Variants in BMPR2 observed in about 807,000 individuals in gnomAD.
BMPR2 encodes the protein bone morphogenetic protein receptor type-2.
BMPR2 carries 29 observed loss-of-function variants against 100.8 expected under a neutral mutation model. The ratio of observed to expected loss-of-function variants is 0.29; its 90% CI spans 0.21 to 0.39. The LOEUF (loss-of-function observed/expected upper bound fraction) is 0.39. Ranked by LOEUF, BMPR2 falls within the 10% of genes least tolerant of loss-of-function variation. BMPR2 has a pLI of 1.00. For missense variants in BMPR2, 1,011 were observed against 1,274.5 expected, an observed-to-expected ratio of 0.79 and a Z score of 3.15; for synonymous variants, 382 against 442.3, an observed-to-expected ratio of 0.86 and a Z score of 1.71.
At chr2:202,405,307 A>C (rs1179305957) in intron 1 of BMPR2, among the ~76,000 whole-genome samples, 1 of 152,110 alleles carries the variant, frequency 6.6e-6, no homozygotes, top group African/African-American at 2.4e-5. Context: ...GTAGAAGTCC[A>C]GACAGGAAAA....
At chr2:202,502,117 G>A (rs1171119746) in intron 3 of BMPR2, among the ~76,000 whole-genome samples, 1 of 152,202 alleles carries the variant, frequency 6.6e-6, no homozygotes, top group African/African-American at 2.4e-5. Flanking sequence ...GAATAAATGT[G>A]TATACAGATA....
chr2:202,532,723 C>T lies in BMPR2; in HGVS notation c.1267C>T (p.Leu423Phe). Residue 423 changes from leucine (L) to phenylalanine (F), a missense_variant, in exon 9 of 13, where the codon CTC becomes TTC. Leu to Phe is a conservative substitution (Grantham distance 22). Coordinates refer to ENST00000374580, the MANE Select transcript of BMPR2 (RefSeq NM_001204.7). This position sits in a 1 kb window ranked among gnomAD's most constrained non-coding sequence, Gnocchi z 4.1. ...GGAGATATTTATGAGATGTACAGAC[C>T]TCTTCCCAGGTAAAAACTACTGTCA... ...YWEIFMRCTD[L>F]FPGESVPEYQ... The T allele has an allele frequency of 1.9e-6, 3 of 1,612,684 alleles. No homozygotes were observed. The highest frequency in any genetic ancestry group is 1.7e-6 in the Non-Finnish European group (2 of 1,179,886).
At chr2:202,406,029 G>GACT (rs1690884718) in intron 1 of BMPR2, among the ~76,000 whole-genome samples, 4 of 152,070 alleles carry the variant, frequency 2.6e-5, no homozygotes, top group Non-Finnish European at 5.9e-5. Context: ...CGAACTCAGT[G>GACT]GTTTGTATTT....
intron 1 of BMPR2, among the ~76,000 whole-genome samples, chr2:202,395,764 C>T (rs1690645332): frequency 6.6e-6 from 1 of 151,958 alleles, no homozygotes; most frequent in Non-Finnish European, 1.5e-5. Flanking sequence ...GACAAAACCC[C>T]GGCTCTACTA....
intron 3 of BMPR2, among the ~76,000 whole-genome samples, chr2:202,496,061 A>G (rs890928247): frequency 6.6e-6 from 1 of 152,278 alleles, no homozygotes; most frequent in Non-Finnish European, 1.5e-5. Flanking sequence ...TCAAAAAAGT[A>G]GAGTGAACAG....
chr2:202,487,830 C>T (rs974771883), intron 3 of BMPR2, among the ~76,000 whole-genome samples: 2 of 152,102 alleles, frequency 1.3e-5, no homozygotes, highest in African/African-American at 4.8e-5. Context: ...TTGGCCCCAC[C>T]CTCAAGATTT....
chr2:202,465,003 A>G, intron 2 of BMPR2, 24 bp downstream of exon 2: 1 of 1,612,586 alleles, frequency 6.2e-7, no homozygotes, highest in Non-Finnish European at 8.5e-7. Flanking sequence ...TCCTTACCTG[A>G]AATGACTGTG....
chr2:202,535,358 A>T (rs1192033816), intron 9 of BMPR2, among the ~76,000 whole-genome samples: 1 of 144,564 alleles, frequency 6.9e-6, no homozygotes, highest in African/African-American at 2.6e-5. Context: ...GGGTCTCCTC[A>T]CTTCTCAGAC....
intron 10 of BMPR2, among the ~76,000 whole-genome samples, chr2:202,547,883 A>G (rs1347280804): frequency 1.3e-5 from 2 of 151,406 alleles, no homozygotes; most frequent in South Asian, 2.1e-4. Flanking sequence ...CAGGAGTTTT[A>G]GACCAGCCTG....
At chr2:202,404,865 C>T (rs1368694808) in intron 1 of BMPR2, among the ~76,000 whole-genome samples, 1 of 152,000 alleles carries the variant, frequency 6.6e-6, no homozygotes, top group Non-Finnish European at 1.5e-5. Flanking sequence ...CAGGATCTTG[C>T]TCTGCCAGGC....
At chr2:202,440,927 A>G (rs1163136852) in intron 1 of BMPR2, among the ~76,000 whole-genome samples, 1 of 150,576 alleles carries the variant, frequency 6.6e-6, no homozygotes, top group African/African-American at 2.5e-5. Flanking sequence ...AAGACATTAA[A>G]TACACATTGA....
intron 3 of BMPR2, among the ~76,000 whole-genome samples, chr2:202,470,696 G>A (rs1184603511): frequency 2.0e-5 from 3 of 151,204 alleles, no homozygotes; most frequent in African/African-American, 4.9e-5. Flanking sequence ...CCCGGGAAGC[G>A]GAGCTTGCAG....
intron 1 of BMPR2, among the ~76,000 whole-genome samples, chr2:202,417,595 G>A (rs957951507): frequency 9.9e-5 from 15 of 152,194 alleles, no homozygotes; most frequent in African/African-American, 3.4e-4. Context: ...GAGCCACTGC[G>A]CCCAGCCTTC....
chr2:202,448,305 G>T (rs1291157884), intron 1 of BMPR2, among the ~76,000 whole-genome samples: 4 of 150,986 alleles, frequency 2.6e-5, no homozygotes, highest in Non-Finnish European at 5.9e-5. Context: ...AAAAAAATTA[G>T]CCGGGCATGG....
intron 3 of BMPR2, among the ~76,000 whole-genome samples, chr2:202,485,543 A>ATGTTTTTTTTT (rs1574472655): frequency 7.1e-5 from 1 of 14,052 alleles, no homozygotes; most frequent in Non-Finnish European, 1.9e-4. Context: ...CTTTGCCTTT[A>ATGTTTTTTTTT]TCTTTTTTTT....
chr2:202,530,676 TTTG>T, intron 7 of BMPR2, 115 bp from the exon 8 acceptor site: 2 of 908,192 alleles, frequency 2.2e-6, no homozygotes, highest in South Asian at 1.8e-5. Context: ...TTTCTCTTTT[TTTG>T]TTATTAGAAA....
At chr2:202,436,814 G>T (rs897883986) in intron 1 of BMPR2, among the ~76,000 whole-genome samples, 1 of 150,462 alleles carries the variant, frequency 6.6e-6, no homozygotes, top group Non-Finnish European at 1.5e-5. Context: ...GCCCGAATTG[G>T]CTTTGTTAAA....
intron 1 of BMPR2, among the ~76,000 whole-genome samples, chr2:202,416,486 T>C (rs918976373): frequency 9.4e-5 from 14 of 149,322 alleles, no homozygotes; most frequent in African/African-American, 3.5e-4. Context: ...AGTGCAGTGG[T>C]GCGATCTCGG....
At chr2:202,510,027 G>C (rs1018155810) in intron 3 of BMPR2, among the ~76,000 whole-genome samples, 4 of 152,132 alleles carry the variant, frequency 2.6e-5, no homozygotes, top group African/African-American at 9.7e-5. Flanking sequence ...AAGAATGTAA[G>C]AACACATTTA....
Sources: gnomAD v4.1 joint callset for allele counts (sites outside exome capture counted in the v4.1 genomes callset) on GRCh38, gnomAD v4.1.1 for gene constraint, Gnocchi (gnomAD v3.1) non-coding constraint, MANE v1.5 for transcripts, NCBI Gene and HGNC (gene_info 2026-07-23, HGNC 2026-07-21) for gene names.